Variants in ZC3H12B observed in about 807,000 individuals in gnomAD.
ZC3H12B encodes the protein probable ribonuclease ZC3H12B.
A neutral mutation model predicts 43.9 loss-of-function variants in ZC3H12B; 7 were observed. The ratio of observed to expected loss-of-function variants is 0.16; its 90% confidence interval spans 0.09 to 0.30. The LOEUF (loss-of-function observed/expected upper bound fraction) is 0.30. Ranked by LOEUF, ZC3H12B falls within the 10% of genes least tolerant of loss-of-function variation. The probability of loss-of-function intolerance (pLI) is 1.00; values close to 1 mark genes in which losing one functional copy is unlikely to be tolerated. For synonymous variants in ZC3H12B, 222 were observed against 241.7 expected, an observed-to-expected ratio of 0.92 and a Z score of 0.76; for missense variants, 475 against 670.2, an observed-to-expected ratio of 0.71 and a Z score of 3.22.
At chrX:65,053,275 A>G in the ZC3H12B span, among the ~76,000 whole-genome samples, 1 of 110,274 alleles carries the variant, frequency 9.1e-6, no homozygotes, top group African/African-American at 3.3e-5. Context: ...ACCCCGCAAC[A>G]GGCCCCAGGG....
At chrX:65,242,426 G>A in the ZC3H12B span, among the ~76,000 whole-genome samples, 1 of 111,068 alleles carries the variant, frequency 9.0e-6, no homozygotes, top group Non-Finnish European at 1.9e-5. Flanking sequence ...AGAAATAAAC[G>A]TAATCAAAGA....
At chrX:65,108,367 C>A in the ZC3H12B span, among the ~76,000 whole-genome samples, 1 of 111,156 alleles carries the variant, frequency 9.0e-6, no homozygotes, top group East Asian at 2.8e-4. Context: ...AATATATATT[C>A]TTTATATCCT....
At chrX:65,441,787 C>A (rs1402621148) in intron 3 of ZC3H12B, among the ~76,000 whole-genome samples, 1 of 111,119 alleles carries the variant, frequency 9.0e-6, no homozygotes, top group Non-Finnish European at 1.9e-5. Flanking sequence ...TTTTGTGCAG[C>A]ATAAGTCTAC....
the ZC3H12B span, among the ~76,000 whole-genome samples, chrX:65,212,914 C>T: frequency 9.4e-6 from 1 of 106,428 alleles, no homozygotes; most frequent in Non-Finnish European, 1.9e-5. Context: ...TAAAGTCCAA[C>T]CAGTTTGTTC....
the ZC3H12B span, among the ~76,000 whole-genome samples, chrX:65,210,820 CA>C: frequency 3.0e-5 from 1 of 33,212 alleles, no homozygotes; most frequent in Admixed American, 4.0e-4. Context: ...ATCGCAAGAA[CA>C]AAAAACCAAA....
At chrX:65,211,070 T>TAAAAA in the ZC3H12B span, among the ~76,000 whole-genome samples, 3 of 28,187 alleles carry the variant, frequency 1.1e-4, no homozygotes, top group African/African-American at 2.8e-4. Context: ...TAGAGTATAA[T>TAAAAA]AAAAAAAAAA....
At chrX:65,060,456 G>A in the ZC3H12B span, among the ~76,000 whole-genome samples, 10 of 111,906 alleles carry the variant, frequency 8.9e-5, no homozygotes, top group East Asian at 2.8e-3. Context: ...AATTGAAATG[G>A]TCATATGATT....
At chrX:65,428,181 C>T (rs1210740063) in intron 3 of ZC3H12B, among the ~76,000 whole-genome samples, 1 of 111,813 alleles carries the variant, frequency 8.9e-6, no homozygotes, top group East Asian at 2.8e-4. Context: ...TTATGTCTGG[C>T]TGCTTTTAAC....
At chrX:65,053,711 T>G in the ZC3H12B span, among the ~76,000 whole-genome samples, 2 of 111,801 alleles carry the variant, frequency 1.8e-5, no homozygotes, top group South Asian at 3.8e-4. Flanking sequence ...TGAACTAGTT[T>G]ACAGTCCCAC....
chrX:65,379,291 C>T (rs2066399594), intron 2 of ZC3H12B, among the ~76,000 whole-genome samples: 2 of 111,861 alleles, frequency 1.8e-5, no homozygotes, highest in Non-Finnish European at 3.8e-5. Flanking sequence ...TCAAGTGAGT[C>T]CCTGACCTCT....
chrX:65,284,275 A>G, the ZC3H12B span, among the ~76,000 whole-genome samples: 3 of 109,651 alleles, frequency 2.7e-5, no homozygotes, highest in Admixed American at 9.8e-5. Context: ...AACACGAAAA[A>G]GCAAGGAAAT....
chrX:65,191,500 A>G, the ZC3H12B span, among the ~76,000 whole-genome samples: 1 of 102,270 alleles, frequency 9.8e-6, no homozygotes, highest in Non-Finnish European at 1.9e-5. Flanking sequence ...CTATTCAGAG[A>G]TTCAACTTCT....
chrX:65,137,941 G>A, the ZC3H12B span, among the ~76,000 whole-genome samples: 1 of 112,086 alleles, frequency 8.9e-6, no homozygotes, highest in African/African-American at 3.2e-5. Context: ...TGATTGTCCT[G>A]CCTCAGTCCC....
exon 5 of ZC3H12B, chrX:65,502,142 G>A (rs1378858959): frequency 3.3e-6 from 4 of 1,210,267 alleles, no homozygotes; most frequent in Non-Finnish European, 4.5e-6. Context: ...AAGCCATGCA[G>A]TGGGTGCACT....
At chrX:65,044,806 A>G in the ZC3H12B span, among the ~76,000 whole-genome samples, 3 of 110,736 alleles carry the variant, frequency 2.7e-5, no homozygotes, top group Non-Finnish European at 5.7e-5. Flanking sequence ...AGCAAGTCAT[A>G]CACATTTTCA....
intron 3 of ZC3H12B, chrX:65,408,452 G>T (rs955367933): frequency 2.6e-4 from 317 of 1,208,747 alleles, no homozygotes; most frequent in Non-Finnish European, 3.4e-4. Context: ...TGCCATCATC[G>T]GGCAGCAGCA....
the ZC3H12B span, among the ~76,000 whole-genome samples, chrX:65,115,611 G>T: frequency 9.0e-6 from 1 of 111,535 alleles, no homozygotes; most frequent in African/African-American, 3.3e-5. Context: ...CCTACTTTTA[G>T]TACTTTAGGG....
intron 1 of ZC3H12B, among the ~76,000 whole-genome samples, chrX:65,494,300 G>A (rs2068246625): frequency 1.8e-5 from 2 of 110,296 alleles, no homozygotes; most frequent in South Asian, 7.8e-4. Flanking sequence ...AGGCTGGAGT[G>A]CAGTGGCATG....
the ZC3H12B span, among the ~76,000 whole-genome samples, chrX:65,057,269 G>A: frequency 2.7e-5 from 3 of 111,367 alleles, no homozygotes; most frequent in African/African-American, 9.8e-5. Flanking sequence ...GCTCTTTTAG[G>A]GCAGGCCTGG....
Sources: gnomAD v4.1 joint callset for allele counts (sites outside exome capture counted in the v4.1 genomes callset) on GRCh38, gnomAD v4.1.1 for gene constraint, MANE v1.5 for transcripts, NCBI Gene and HGNC (gene_info 2026-07-23, HGNC 2026-07-21) for gene names.